CNOT2: variants seen among roughly 807,000 people sequenced by gnomAD.
CNOT2 encodes CC chemokine receptor 4-negative regulator of transcription 2.
CNOT2 carries 7 observed loss-of-function variants against 72.1 expected under a neutral mutation model. The observed-to-expected ratio is 0.10, with a 90% CI of 0.06 to 0.18. CNOT2 has a LOEUF of 0.18. Ranked by LOEUF, CNOT2 falls within the 10% of genes least tolerant of loss-of-function variation. CNOT2 has a pLI of 1.00. For synonymous variants in CNOT2, 196 were observed against 225.6 expected, an observed-to-expected ratio of 0.87 and a Z score of 1.17; for missense variants, 345 against 660.3, an observed-to-expected ratio of 0.52 and a Z score of 5.23.
chr12:70,315,359 A>T (rs528109786), intron 3 of CNOT2, among the ~76,000 whole-genome samples: 2 of 152,132 alleles, frequency 1.3e-5, no homozygotes, highest in East Asian at 1.9e-4. Context: ...CTCTTTGTAG[A>T]TATGGTACAG....
intron 1 of CNOT2, among the ~76,000 whole-genome samples, chr12:70,248,828 C>T (rs1457040927): frequency 6.6e-6 from 1 of 152,048 alleles, no homozygotes; most frequent in Non-Finnish European, 1.5e-5. Context: ...ATCCAGTACT[C>T]AGGACACCAG....
chr12:70,315,515 G>C (rs1175228564), intron 3 of CNOT2, among the ~76,000 whole-genome samples: 1 of 151,998 alleles, frequency 6.6e-6, no homozygotes, highest in Non-Finnish European at 1.5e-5. Flanking sequence ...TTTAATTGCT[G>C]TCATGGTCAT....
chr12:70,300,431 T>A (rs577291683), intron 2 of CNOT2, among the ~76,000 whole-genome samples: 37 of 152,350 alleles, frequency 2.4e-4, no homozygotes, highest in Admixed American at 2.0e-3. Flanking sequence ...TTCAGCTTTC[T>A]ACATATGGCT....
In CNOT2 at chr12:70,353,605, C is replaced by G. The variant is rs557324190; in HGVS notation, c.1537-224C>G. 4.7e-4 allele frequency among the ~76,000 whole-genome samples: 72 copies of G among 152,092 alleles called. 1 individual carries two copies. Among genetic ancestry groups the G allele is most frequent in the African/African-American group, 1.7e-3 (70 of 41,480 alleles). On this transcript the variant is annotated intron_variant, in intron 15 of 15. Transcript: ENST00000229195. ...GGTCCATTAGTAGTCTCTTGACTTA[C>G]ACACAGAAAGCCTGTCTGTATTTTT...
intron 4 of CNOT2, chr12:70,322,980 C>T (rs1878528009): frequency 6.6e-6 from 1 of 151,526 alleles, no homozygotes; most frequent in Non-Finnish European, 1.5e-5. Flanking sequence ...AAATAACAGC[C>T]TGTGATGCTA....
chr12:70,338,327 A>T (rs1880979785), intron 9 of CNOT2, 116 bp from the exon 10 acceptor site: 1 of 845,658 alleles, frequency 1.2e-6, no homozygotes, highest in South Asian at 2.3e-5. Flanking sequence ...AAAACAGGTA[A>T]TAATTTAACT....
intron 2 of CNOT2, among the ~76,000 whole-genome samples, chr12:70,295,960 G>C (rs1006621358): frequency 6.6e-6 from 1 of 152,150 alleles, no homozygotes; most frequent in Non-Finnish European, 1.5e-5. Context: ...AGTCAAACTT[G>C]TGGAGGTATT....
intron 15 of CNOT2, among the ~76,000 whole-genome samples, chr12:70,348,872 A>G (rs553074813): frequency 6.6e-6 from 1 of 151,928 alleles, no homozygotes; most frequent in African/African-American, 2.4e-5. Flanking sequence ...TATATAAAAC[A>G]TAATTTAGCT....
intron 1 of CNOT2, among the ~76,000 whole-genome samples, chr12:70,264,590 G>A (rs961546691): frequency 5.3e-5 from 8 of 152,142 alleles, no homozygotes; most frequent in Admixed American, 4.6e-4. Flanking sequence ...TTACGGTAGA[G>A]CCTCTGCCTG....
chr12:70,348,897 G>A (rs982018415), intron 15 of CNOT2, among the ~76,000 whole-genome samples: 6 of 151,230 alleles, frequency 4.0e-5, no homozygotes, highest in African/African-American at 9.7e-5. Context: ...TTTATCTATC[G>A]TGTACAGTTG....
chr12:70,294,717 C>T (rs563785351), intron 2 of CNOT2, among the ~76,000 whole-genome samples: 1 of 152,230 alleles, frequency 6.6e-6, no homozygotes, highest in African/African-American at 2.4e-5. Flanking sequence ...CTTCCACTAG[C>T]TTTAGATGTG....
Position 70,338,582 on chromosome 12 carries a change from AT to A in CNOT2, c.1021+20del. On this transcript the variant is annotated intron_variant, in intron 10 of 15. Transcript: ENST00000229195. Reference sequence around the variant, plus strand: ...CCTGATGGTGGGACTCTAGAAATCTATGTCAAAGATATTATAGAATGCTTTT... The same window carrying A: ...CCTGATGGTGGGACTCTAGAAATCTAGTCAAAGATATTATAGAATGCTTTT... The A allele has an allele frequency of 6.2e-7, 1 of 1,601,778 alleles. No homozygotes were observed. The highest frequency in any genetic ancestry group is 8.5e-7 in the Non-Finnish European group (1 of 1,176,514).
chr12:70,311,431 T>C (rs1297712365), intron 3 of CNOT2, among the ~76,000 whole-genome samples: 1 of 152,030 alleles, frequency 6.6e-6, no homozygotes. Flanking sequence ...TTTATGCTTA[T>C]TGTGTCATCT....
At chr12:70,283,824 G>C (rs1288056482) in intron 2 of CNOT2, among the ~76,000 whole-genome samples, 1 of 151,520 alleles carries the variant, frequency 6.6e-6, no homozygotes, top group Non-Finnish European at 1.5e-5. Flanking sequence ...TTATACAGCT[G>C]CTTAAGATGA....
At position 70,295,075 on chromosome 12, in the gene CNOT2, A is replaced by G. The variant is rs17107943; in HGVS notation, c.49-15820A>G. ...AGGGATGTAGCTCTGGGTCTTCACT[A>G]CCTTACTTTTGAGCTTCTTCTCAGA... On this transcript the variant is annotated intron_variant, in intron 2 of 15. Coordinates refer to ENST00000229195, the MANE Select transcript of CNOT2 (RefSeq NM_014515.7). Among the ~76,000 whole-genome samples, 869 of 152,136 alleles carry G rather than the reference A, an allele frequency of 5.7e-3. 6 individuals carry two copies. The highest frequency in any genetic ancestry group is 0.02 in the African/African-American group (841 of 41,500).
chr12:70,349,460 G>T (rs1882601083), intron 15 of CNOT2, among the ~76,000 whole-genome samples: 1 of 152,012 alleles, frequency 6.6e-6, no homozygotes, highest in African/African-American at 2.4e-5. Flanking sequence ...TTCTTGAAAG[G>T]TACTGAACTG....
At chr12:70,246,822 A>G (rs749739306) in intron 1 of CNOT2, among the ~76,000 whole-genome samples, 2 of 152,274 alleles carry the variant, frequency 1.3e-5, no homozygotes, top group Middle Eastern at 3.4e-3. Context: ...TGTCTATACT[A>G]TTAGGAATGT....
chr12:70,332,757 A>G lies in CNOT2; in HGVS notation c.570-10A>G, dbSNP rs375521053. ...TACTGTATATCTAAAACTATTTTCTATGTACCCAGTATGTCTGGATTTGGA... is the reference window on the plus strand; with the variant it reads ...TACTGTATATCTAAAACTATTTTCTGTGTACCCAGTATGTCTGGATTTGGA... On this transcript the variant is annotated splice_polypyrimidine_tract_variant and intron_variant, in intron 6 of 15. Transcript: ENST00000229195. 217 of 1,594,862 alleles carry G rather than the reference A, an allele frequency of 1.4e-4. No homozygotes were observed. Among genetic ancestry groups the G allele is most frequent in the Non-Finnish European group, 1.7e-4 (195 of 1,172,520 alleles).
chr12:70,319,945 G>A (rs544163017), intron 4 of CNOT2, among the ~76,000 whole-genome samples: 4 of 151,580 alleles, frequency 2.6e-5, no homozygotes, highest in Non-Finnish European at 4.4e-5. Context: ...CTTTTAAAGC[G>A]CTTAGCACAG....
Sources: allele counts gnomAD v4.1 joint callset (sites outside exome capture counted in the v4.1 genomes callset), GRCh38; gene constraint gnomAD v4.1.1; transcripts MANE v1.5; gene names NCBI Gene and HGNC (gene_info 2026-07-23, HGNC 2026-07-21).